The following PIK3CB variants were observed in gnomAD, a reference collection of about 807,000 sequenced individuals.
PIK3CB encodes phosphatidylinositol 4,5-bisphosphate 3-kinase catalytic subunit beta isoform.
Under a neutral mutation model 136.8 loss-of-function variants are expected in PIK3CB, and 39 were observed. That is an observed-to-expected ratio of 0.29 (90% CI 0.22 to 0.37). The LOEUF (loss-of-function observed/expected upper bound fraction) is 0.37, where lower values mean the gene tolerates loss of function less well. Ranked by LOEUF, PIK3CB falls within the 10% of genes least tolerant of loss-of-function variation. PIK3CB has a pLI of 1.00. For synonymous variants in PIK3CB, 428 were observed against 436.6 expected (o/e 0.98, Z 0.25); for missense variants, 868 against 1,275.4 (o/e 0.68, Z 4.87).
At chr3:138,718,915 G>A (rs1046002529) in intron 8 of PIK3CB, among the ~76,000 whole-genome samples, 2 of 152,042 alleles carry the variant, frequency 1.3e-5, no homozygotes, top group East Asian at 3.9e-4. Flanking sequence ...GCCTATTTTT[G>A]TATTAGATAT....
chr3:138,803,194 GCAGA>G (rs1189702246), intron 1 of PIK3CB, among the ~76,000 whole-genome samples: 1 of 152,152 alleles, frequency 6.6e-6, no homozygotes, highest in Admixed American at 6.6e-5. Flanking sequence ...ACCTCTGCAA[GCAGA>G]CAATTAAACC....
Position 138,742,641 on chromosome 3 carries a change from G to T in PIK3CB, c.538C>A (p.His180Asn). ...DWLKQTYPPEHEPSIPENLED... is the reference protein window; with the variant it reads ...DWLKQTYPPENEPSIPENLED... ...AAGTTTTCAGGGATGGATGGTTCAT[G>T]CTCTGGTGGATATGTTTGTTTTAGC... Residue 180 changes from histidine to asparagine, a missense_variant, in exon 5 of 24, where the codon CAT becomes AAT. Transcript: ENST00000674063. The T allele has an allele frequency of 6.2e-7, 1 of 1,608,668 alleles. No homozygotes were observed. The highest frequency in any genetic ancestry group is 8.5e-7 in the Non-Finnish European group (1 of 1,175,128).
intron 10 of PIK3CB, 109 bp from the exon 11 acceptor site, chr3:138,707,398 T>C: frequency 7.1e-7 from 1 of 1,411,608 alleles, no homozygotes; most frequent in East Asian, 2.7e-5. Flanking sequence ...GTATGTCAAC[T>C]ACAGAAGTGT....
rs371443587 is a variant in PIK3CB at position 138,693,315 on chromosome 3, C to A, written c.1892+1471G>T. Among the ~76,000 whole-genome samples, 45 of 152,180 alleles carry A rather than the reference C, an allele frequency of 3.0e-4. 1 individual carries two copies. The East Asian group carries it at 7.5e-3, about 26-fold the overall frequency. On this transcript the variant is annotated intron_variant, in intron 14 of 23. Transcript: ENST00000674063. ...TTAACCATGTTGCCAAGGCTGGTCT[C>A]AAACTCCTGGGCTCATCGATCTGCC...
At chr3:138,710,460 T>C (rs2044474047) in intron 10 of PIK3CB, among the ~76,000 whole-genome samples, 1 of 152,142 alleles carries the variant, frequency 6.6e-6, no homozygotes, top group South Asian at 2.1e-4. Flanking sequence ...CAAATTAGTT[T>C]ACAACTTCAC....
rs568890290 is a variant in PIK3CB at position 138,717,629 on chromosome 3, C to T, written c.1051-2910G>A. ...CAGGGGTTTGTTGTATAGATTATTT[C>T]ATCATCTAGGCATTAAGCCTAGTAC... On this transcript the variant is annotated intron_variant, in intron 8 of 23. Transcript: ENST00000674063. Among the ~76,000 whole-genome samples the T allele has an allele frequency of 2.6e-5, 4 of 152,170 alleles. No homozygotes were observed. The East Asian group carries it at 7.7e-4, about 29-fold the overall frequency.
chr3:138,763,140 A>ATGTATGTATGTATGTATGTG (rs2045685914), intron 2 of PIK3CB, among the ~76,000 whole-genome samples: 1 of 151,838 alleles, frequency 6.6e-6, no homozygotes, highest in Non-Finnish European at 1.5e-5. Context: ...GTATGTATGT[A>ATGTATGTATGTATGTATGTG]TGTATGTATT....
At chr3:138,691,206 T>C (rs1016082355) in intron 14 of PIK3CB, 63 bp from the exon 15 acceptor site, 92 of 1,424,516 alleles carry the variant, frequency 6.5e-5, no homozygotes, top group Non-Finnish European at 8.2e-5. Flanking sequence ...GATCCCTTGG[T>C]ATCAAACTAT....
At chr3:138,741,382 ACT>A in intron 5 of PIK3CB, among the ~76,000 whole-genome samples, 1 of 152,350 alleles carries the variant, frequency 6.6e-6, no homozygotes, top group Middle Eastern at 3.4e-3. Context: ...TGGTGTGGGA[ACT>A]GGAGAATATA....
At chr3:138,755,385 T>C (rs2045546524) in intron 4 of PIK3CB, among the ~76,000 whole-genome samples, 2 of 152,222 alleles carry the variant, frequency 1.3e-5, no homozygotes, top group African/African-American at 4.8e-5. Context: ...CTCATACCTG[T>C]AATCCCAGCA....
chr3:138,780,984 C>G (rs1274951806), intron 2 of PIK3CB, among the ~76,000 whole-genome samples: 2 of 152,114 alleles, frequency 1.3e-5, no homozygotes, highest in Non-Finnish European at 2.9e-5. Context: ...AATGCTCCAG[C>G]TAAAAATTAA....
chr3:138,802,382 AAAAGAAAG>A (rs372416229), intron 1 of PIK3CB, among the ~76,000 whole-genome samples: 3 of 151,636 alleles, frequency 2.0e-5, no homozygotes, highest in African/African-American at 4.9e-5. Context: ...TCTCAAAAAA[AAAAGAAAG>A]AAAGAAAGAA....
chr3:138,684,817 TC>T lies in PIK3CB; in HGVS notation c.2137-15del, dbSNP rs1314804724. On this transcript the variant is annotated splice_polypyrimidine_tract_variant and intron_variant, in intron 16 of 23. Transcript: ENST00000674063. ...GAGTGCTTCAACCTGAAAAATAAGTTCCCCACACCAAAAATTCATTTGACTA... is the reference window on the plus strand; with the variant it reads ...GAGTGCTTCAACCTGAAAAATAAGTTCCCACACCAAAAATTCATTTGACTA... 6.3e-7 allele frequency: 1 copy of T among 1,591,636 alleles called. No homozygotes were observed. The highest frequency in any genetic ancestry group is 1.4e-5 in the African/African-American group (1 of 73,902).
At chr3:138,774,082 C>G (rs1376836324) in intron 2 of PIK3CB, among the ~76,000 whole-genome samples, 1 of 152,220 alleles carries the variant, frequency 6.6e-6, no homozygotes, top group Non-Finnish European at 1.5e-5. Context: ...TACAGGAGAG[C>G]ATTTTCTGTT....
chr3:138,710,308 C>T (rs2044471077), intron 10 of PIK3CB, among the ~76,000 whole-genome samples: 1 of 152,102 alleles, frequency 6.6e-6, no homozygotes, highest in Non-Finnish European at 1.5e-5. Flanking sequence ...GAAGGACACA[C>T]ACACACACAC....
At chr3:138,753,356 A>T (rs1235617057) in intron 4 of PIK3CB, among the ~76,000 whole-genome samples, 1 of 151,988 alleles carries the variant, frequency 6.6e-6, no homozygotes, top group African/African-American at 2.4e-5. Context: ...CCCTGTCTCT[A>T]ATAAAAATAC....
chr3:138,767,833 CG>C (rs1327817614), intron 2 of PIK3CB, among the ~76,000 whole-genome samples: 1 of 152,200 alleles, frequency 6.6e-6, no homozygotes, highest in African/African-American at 2.4e-5. Context: ...TCAGGAACCC[CG>C]GGGCCCCAAA....
intron 21 of PIK3CB, among the ~76,000 whole-genome samples, chr3:138,662,797 T>C (rs578073732): frequency 9.7e-4 from 147 of 152,296 alleles, no homozygotes; most frequent in Admixed American, 4.7e-3. Flanking sequence ...TTTTAATGAT[T>C]GCCATTCTAA....
In PIK3CB at chr3:138,759,160, C is replaced by T; in HGVS notation, c.171+13G>A. 5.8e-6 allele frequency: 9 copies of T among 1,551,462 alleles called. No individual in the cohort carries two copies. Among genetic ancestry groups the T allele is most frequent in the Non-Finnish European group, 8.0e-6 (9 of 1,127,920 alleles). On this transcript the variant is annotated intron_variant, in intron 3 of 23. Transcript: ENST00000674063. ...GTATGCTAAACACATAGAAATTATA[C>T]CTATTAACATACCTGCTTAATATAA...
Sources: allele counts gnomAD v4.1 joint callset (sites outside exome capture counted in the v4.1 genomes callset), GRCh38; gene constraint gnomAD v4.1.1; transcripts MANE v1.5; gene names NCBI Gene and HGNC (gene_info 2026-07-23, HGNC 2026-07-21).